Variants in ACOX3 observed in about 807,000 individuals in gnomAD.
ACOX3 encodes the protein peroxisomal acyl-coenzyme A oxidase 3.
A neutral mutation model predicts 81.5 loss-of-function variants in ACOX3; 73 were observed. That is an observed-to-expected ratio of 0.90 (90% CI 0.74 to 1.09). The LOEUF (loss-of-function observed/expected upper bound fraction) is 1.09. Among genes scored for constraint, ACOX3 ranks in the 50% least tolerant of loss-of-function variants. The pLI, the probability that ACOX3 is intolerant of heterozygous loss-of-function variation, is 0.00. For synonymous variants in ACOX3, 387 were observed against 375.1 expected, an observed-to-expected ratio of 1.03 and a Z score of -0.37; for missense variants, 947 against 928.0, an observed-to-expected ratio of 1.02 and a Z score of -0.27.
At position 8,416,338 on chromosome 4, in the gene ACOX3, C is replaced by A. The variant is rs1390456588; in HGVS notation, c.144+40G>T. 6 of 1,613,652 alleles carry A rather than the reference C, an allele frequency of 3.7e-6. No homozygotes were observed. Among genetic ancestry groups the A allele is most frequent in the Non-Finnish European group, 5.1e-6 (6 of 1,179,986 alleles). On this transcript the variant is annotated intron_variant, in intron 2 of 17. Transcript: ENST00000356406. This position sits in a 1 kb window ranked among gnomAD's most constrained non-coding sequence, Gnocchi z 4.2. ...ATTCTGCTAACGAACTAAGACCCCACTGGGAAAAAAGACAAGCTGCGCACA... is the reference window on the plus strand; with the variant it reads ...ATTCTGCTAACGAACTAAGACCCCAATGGGAAAAAAGACAAGCTGCGCACA...
intron 16 of ACOX3, 95 bp downstream of exon 16, chr4:8,373,466 G>T: frequency 1.5e-6 from 2 of 1,310,884 alleles, no homozygotes; most frequent in South Asian, 2.6e-5. Context: ...TACTAAGGCG[G>T]TGCGTGTCGG....
Position 8,389,375 on chromosome 4 carries a change from G to T in ACOX3, c.1424-89C>A. On this transcript the variant is annotated intron_variant, in intron 12 of 17. Coordinates refer to ENST00000356406, the MANE Select transcript of ACOX3 (RefSeq NM_003501.3). This position sits in a 1 kb window ranked among gnomAD's most constrained non-coding sequence, Gnocchi z 5.3. Reference sequence around the variant, plus strand: ...CTGGGGGCACCCCAAAGCACAGAGAGTGTCCAGAGGACCCGACGGCCACAG... The same window carrying T: ...CTGGGGGCACCCCAAAGCACAGAGATTGTCCAGAGGACCCGACGGCCACAG... The T allele has an allele frequency of 7.2e-7, 1 of 1,384,176 alleles. No individual in the cohort carries two copies. 85.7% of individuals were successfully genotyped at this position (1,384,176 alleles called of 1,614,324 possible). A position where few individuals can be genotyped will look rare whatever the true frequency, so the allele number is the denominator to read the frequency against.
intron 14 of ACOX3, among the ~76,000 whole-genome samples, chr4:8,379,221 G>C (rs1318825260): frequency 1.3e-5 from 2 of 152,206 alleles, no homozygotes; most frequent in African/African-American, 4.8e-5. Context: ...TGAAAAGGCT[G>C]GTCTAGGCTG....
At position 8,384,489 on chromosome 4, in the gene ACOX3, A is replaced by G. The variant is rs550136865; in HGVS notation, c.1538-2882T>C. On this transcript the variant is annotated intron_variant, in intron 13 of 17. Transcript: ENST00000356406. The surrounding 1 kb of genome is among the most constrained non-coding windows in gnomAD (Gnocchi z 5.3). ...CTGCTGGCGGCCTGAGGACACACCC[A>G]GCGTCAACAACCTCTGTCCTCAAGA... is the stretch of plus-strand genomic sequence containing the variant. 6.6e-6 allele frequency among the ~76,000 whole-genome samples: 1 copy of G among 152,168 alleles called. No homozygotes were observed. Among genetic ancestry groups the G allele is most frequent in the Non-Finnish European group, 1.5e-5 (1 of 68,028 alleles).
chr4:8,420,011 G>A (rs1722758395), intron 1 of ACOX3, among the ~76,000 whole-genome samples: 1 of 152,194 alleles, frequency 6.6e-6, no homozygotes, highest in Non-Finnish European at 1.5e-5. Context: ...TACTGAGCTG[G>A]TGCTGTGTGC....
chr4:8,389,462 G>T lies in ACOX3; in HGVS notation c.1423+150C>A. ...CCACCCCAGCCTTTGCCCATGCCTT[G>T]GGGAGTTGGTCGGCACTATCTAATA... On this transcript the variant is annotated intron_variant, in intron 12 of 17. Coordinates refer to ENST00000356406, the MANE Select transcript of ACOX3 (RefSeq NM_003501.3). This position sits in a 1 kb window ranked among gnomAD's most constrained non-coding sequence, Gnocchi z 5.3. 2 of 1,384,666 alleles carry T rather than the reference G, an allele frequency of 1.4e-6. No individual in the cohort carries two copies. The highest frequency in any genetic ancestry group is 2.0e-6 in the Non-Finnish European group (2 of 1,014,190). 85.8% of individuals were successfully genotyped at this position (1,384,666 alleles called of 1,614,324 possible).
rs550629577 is a variant in ACOX3 at position 8,432,857 on chromosome 4, C to A, written c.-15+7791G>T. 6.6e-6 allele frequency among the ~76,000 whole-genome samples: 1 copy of A among 152,306 alleles called. No individual in the cohort carries two copies. Among genetic ancestry groups the A allele is most frequent in the African/African-American group, 2.4e-5 (1 of 41,558 alleles). ...TAGTGCTGCATTGTTCAACAGTAGC[C>A]CCTAGCCTCATGTGGCTACTTAAAT... On this transcript the variant is annotated intron_variant, in intron 1 of 17. Transcript: ENST00000356406. The surrounding 1 kb of genome is among the most constrained non-coding windows in gnomAD (Gnocchi z 6.2).
intron 1 of ACOX3, chr4:8,438,924 C>A (rs1297997683): frequency 1.3e-5 from 2 of 152,202 alleles, no homozygotes; most frequent in African/African-American, 4.8e-5. Flanking sequence ...TCTGGTCACT[C>A]CGGAGGCTGA....
In ACOX3 at chr4:8,385,550, C is replaced by A. The variant is rs1019779534; in HGVS notation, c.1537+3623G>T. Among the ~76,000 whole-genome samples the A allele has an allele frequency of 2.6e-5, 4 of 152,254 alleles. No homozygotes were observed. Among genetic ancestry groups the A allele is most frequent in the Admixed American group, 2.6e-4 (4 of 15,288 alleles). On this transcript the variant is annotated intron_variant, in intron 13 of 17. Coordinates refer to ENST00000356406, the MANE Select transcript of ACOX3 (RefSeq NM_003501.3). This position sits in a 1 kb window ranked among gnomAD's most constrained non-coding sequence, Gnocchi z 5.5. ...GGGCCCACTGCAGGAAGCAACAGCACAGGCCCCCAAGGCACAGGGCTGTGA... is the reference window on the plus strand; with the variant it reads ...GGGCCCACTGCAGGAAGCAACAGCAAAGGCCCCCAAGGCACAGGGCTGTGA...
chr4:8,376,558 A>G (rs116791241), intron 14 of ACOX3, among the ~76,000 whole-genome samples: 1,710 of 152,182 alleles, frequency 0.011, 35 homozygotes, highest in African/African-American at 0.039. Flanking sequence ...GAGCCTCGGG[A>G]AAACAGAAAC....
At position 8,437,736 on chromosome 4, in the gene ACOX3, T is replaced by C. The variant is rs116702947; in HGVS notation, c.-15+2912A>G. On this transcript the variant is annotated intron_variant, in intron 1 of 17. Coordinates refer to ENST00000356406, the MANE Select transcript of ACOX3 (RefSeq NM_003501.3). The surrounding 1 kb of genome is among the most constrained non-coding windows in gnomAD (Gnocchi z 5.2). Reference sequence around the variant, plus strand: ...AAAGAAAGGACACTAGAAGGGTGAATGTTCAGAAGGCAATAAAAGAAATGG... The same window carrying C: ...AAAGAAAGGACACTAGAAGGGTGAACGTTCAGAAGGCAATAAAAGAAATGG... Among the ~76,000 whole-genome samples, 2,018 of 152,256 alleles carry C rather than the reference T, an allele frequency of 0.013. 50 individuals carry two copies. Among genetic ancestry groups the C allele is most frequent in the African/African-American group, 0.046 (1,902 of 41,546 alleles).
chr4:8,433,092 T>A (rs748503783), intron 1 of ACOX3, among the ~76,000 whole-genome samples: 6 of 152,242 alleles, frequency 3.9e-5, no homozygotes, highest in Non-Finnish European at 8.8e-5. Context: ...GTCAGATCCT[T>A]GACCTAAGCC....
intron 13 of ACOX3, among the ~76,000 whole-genome samples, chr4:8,388,922 G>T (rs1458669658): frequency 6.6e-6 from 1 of 152,182 alleles, no homozygotes; most frequent in African/African-American, 2.4e-5. Context: ...GGGAGGGAAA[G>T]GCAAGAGGCA....
rs1349899257 is a variant in ACOX3 at position 8,419,566 on chromosome 4, G to A, written c.-14-3031C>T. Among the ~76,000 whole-genome samples, 4 of 152,302 alleles carry A rather than the reference G, an allele frequency of 2.6e-5. No individual in the cohort carries two copies. The East Asian group carries it at 7.7e-4, about 29-fold the overall frequency. ...CCCAGCCATTCTGGAGAACAGTGTG[G>A]CAGTTCCACAAGTGATTAAACATGG... On this transcript the variant is annotated intron_variant, in intron 1 of 17. Coordinates refer to ENST00000356406, the MANE Select transcript of ACOX3 (RefSeq NM_003501.3). This position sits in a 1 kb window ranked among gnomAD's most constrained non-coding sequence, Gnocchi z 4.2.
chr4:8,387,431 A>G (rs12498220), intron 13 of ACOX3, among the ~76,000 whole-genome samples: 1,548 of 152,314 alleles, frequency 0.01, 13 homozygotes, highest in South Asian at 0.034. Flanking sequence ...GGGAGCAGTC[A>G]GTTTCTACCT....
intron 1 of ACOX3, among the ~76,000 whole-genome samples, chr4:8,435,841 A>T (rs1002947165): frequency 6.6e-6 from 1 of 152,122 alleles, no homozygotes; most frequent in Admixed American, 6.5e-5. Flanking sequence ...CTTTCTCCAT[A>T]TGGCCCAGCC....
chr4:8,365,617 G>A (rs573958695), downstream of ACOX3, among the ~76,000 whole-genome samples: 8 of 152,190 alleles, frequency 5.3e-5, no homozygotes, highest in African/African-American at 1.7e-4. Flanking sequence ...CTCACCCCAC[G>A]CGGTTGGCTG....
At chr4:8,383,051 G>A (rs183261481) in intron 13 of ACOX3, among the ~76,000 whole-genome samples, 2 of 150,316 alleles carry the variant, frequency 1.3e-5, no homozygotes, top group East Asian at 4.0e-4. Context: ...CAGCACACCC[G>A]ACTGCTTTCG....
chr4:8,396,679 G>GA (rs531424752), intron 9 of ACOX3, among the ~76,000 whole-genome samples: 3,101 of 100,562 alleles, frequency 0.031, 89 homozygotes, highest in African/African-American at 0.083. Context: ...CTCCGTCTGG[G>GA]AAAAAAAAAA....
Sources: gnomAD v4.1 joint callset for allele counts (sites outside exome capture counted in the v4.1 genomes callset) on GRCh38, gnomAD v4.1.1 for gene constraint, Gnocchi (gnomAD v3.1) non-coding constraint, MANE v1.5 for transcripts, NCBI Gene and HGNC (gene_info 2026-07-23, HGNC 2026-07-21) for gene names.